Variants in TBC1D8 observed in about 807,000 individuals in gnomAD.
TBC1D8 encodes BUB2-like protein 1.
Under a neutral mutation model 118.8 loss-of-function variants are expected in TBC1D8, and 65 were observed. The observed-to-expected ratio is 0.55, with a 90% CI of 0.45 to 0.67. The LOEUF is 0.67. TBC1D8 is among the 30% of genes least tolerant of loss of function. The pLI is 0.00. For synonymous variants in TBC1D8, 566 were observed against 595.8 expected (o/e 0.95, Z 0.73); for missense variants, 1,376 against 1,471.2 (o/e 0.94, Z 1.06).
intron 1 of TBC1D8, among the ~76,000 whole-genome samples, chr2:101,130,335 C>T (rs1574070883): frequency 6.6e-6 from 1 of 152,212 alleles, no homozygotes; most frequent in South Asian, 2.1e-4. Context: ...CAGGTGCCCG[C>T]GCCCTGAGGC....
At chr2:101,139,748 C>T (rs767493016) in intron 1 of TBC1D8, among the ~76,000 whole-genome samples, 67 of 152,186 alleles carry the variant, frequency 4.4e-4, no homozygotes, top group Non-Finnish European at 8.7e-4. Flanking sequence ...CACCAGCTAC[C>T]ACCCTCCTGC....
intron 1 of TBC1D8, among the ~76,000 whole-genome samples, chr2:101,099,707 A>G (rs1676701482): frequency 6.6e-6 from 1 of 152,230 alleles, no homozygotes; most frequent in Admixed American, 6.5e-5. Context: ...CTGGTTCAAC[A>G]TATGCAAATC....
At chr2:101,069,690 T>C (rs1330768615) in intron 2 of TBC1D8, among the ~76,000 whole-genome samples, 1 of 152,180 alleles carries the variant, frequency 6.6e-6, no homozygotes, top group African/African-American at 2.4e-5. Context: ...ATAAATAATA[T>C]AAAAATGCCC....
intron 5 of TBC1D8, among the ~76,000 whole-genome samples, chr2:101,044,549 A>C (rs1219632086): frequency 6.6e-6 from 1 of 152,176 alleles, no homozygotes; most frequent in African/African-American, 2.4e-5. Context: ...TCCGTAGAGA[A>C]GAACAGACAT....
chr2:101,044,836 C>T (rs1681599997), intron 5 of TBC1D8, among the ~76,000 whole-genome samples: 1 of 152,240 alleles, frequency 6.6e-6, no homozygotes, highest in African/African-American at 2.4e-5. Context: ...GAAAGCTCCA[C>T]ATCCTGGGTT....
At chr2:101,019,042 G>T (rs749025644) in intron 17 of TBC1D8, 2 of 1,610,946 alleles carry the variant, frequency 1.2e-6, no homozygotes, top group Non-Finnish European at 1.7e-6. Flanking sequence ...CCCATAAAGG[G>T]AGCCCTCCTG....
At chr2:101,133,888 C>T (rs13400798) in intron 1 of TBC1D8, among the ~76,000 whole-genome samples, 100,949 of 152,044 alleles carry the variant, frequency 0.66, 33,878 homozygotes, top group East Asian at 0.79. Context: ...GCAGGCACCG[C>T]CTTCACAAGT....
At chr2:101,041,241 T>C (rs1681366809) in intron 5 of TBC1D8, among the ~76,000 whole-genome samples, 2 of 152,178 alleles carry the variant, frequency 1.3e-5, no homozygotes, top group Admixed American at 6.5e-5. Flanking sequence ...CGAATGTTCT[T>C]AGCAGCATCA....
intron 3 of TBC1D8, among the ~76,000 whole-genome samples, chr2:101,056,492 G>A (rs959340571): frequency 4.6e-5 from 7 of 152,050 alleles, no homozygotes; most frequent in Admixed American, 2.0e-4. Flanking sequence ...CACCGCGCCC[G>A]GCCTAGAATT....
chr2:101,010,883 A>G (rs1389416576), intron 19 of TBC1D8, 46 bp downstream of exon 19: 1 of 733,546 alleles, frequency 1.4e-6, no homozygotes, highest in African/African-American at 2.2e-5. Context: ...CTCCATCTCA[A>G]AAAAAAAAAA....
intron 2 of TBC1D8, among the ~76,000 whole-genome samples, chr2:101,085,999 G>A (rs1185532059): frequency 6.6e-6 from 1 of 152,054 alleles, no homozygotes; most frequent in Non-Finnish European, 1.5e-5. Context: ...AAAATTAGCT[G>A]GGCGTGGTGG....
rs144381083 is a variant in TBC1D8 at position 101,028,842 on chromosome 2, A to T, written c.2223-410T>A. 5.9e-5 allele frequency among the ~76,000 whole-genome samples: 9 copies of T among 152,314 alleles called. No homozygotes were observed. The East Asian group carries it at 1.7e-3, about 29-fold the overall frequency. ...CTAGCCTTATGCAGAAAATGTCTGC[A>T]ACCTCTAGCTGGCTGCCTGATGCCC... is the stretch of plus-strand genomic sequence containing the variant. On this transcript the variant is annotated intron_variant, in intron 12 of 19. Transcript: ENST00000409318.
At chr2:101,111,592 C>T (rs1386137411) in intron 1 of TBC1D8, among the ~76,000 whole-genome samples, 3 of 152,194 alleles carry the variant, frequency 2.0e-5, no homozygotes, top group African/African-American at 7.2e-5. Flanking sequence ...TGATGACATC[C>T]ACACAATGGT....
intron 19 of TBC1D8, among the ~76,000 whole-genome samples, chr2:101,009,383 G>A (rs1558963833): frequency 6.7e-6 from 1 of 149,282 alleles, no homozygotes; most frequent in Non-Finnish European, 1.5e-5. Context: ...TCTAGCCTGG[G>A]CGACAGAGTG....
chr2:101,038,367 C>T, intron 7 of TBC1D8, 94 bp downstream of exon 7: 6 of 1,379,614 alleles, frequency 4.3e-6, no homozygotes, highest in Non-Finnish European at 6.0e-6. Context: ...GCATTCTTCT[C>T]ATCCCCACAT....
chr2:101,035,779 C>T (rs1045950192), intron 9 of TBC1D8, among the ~76,000 whole-genome samples: 3 of 152,208 alleles, frequency 2.0e-5, no homozygotes, highest in Admixed American at 1.3e-4. Context: ...GTGGCCGTCA[C>T]TGTGCCCAGA....
At chr2:101,027,630 T>A (rs930131043) in intron 14 of TBC1D8, among the ~76,000 whole-genome samples, 179 bp from the exon 15 acceptor site, 1 of 152,326 alleles carries the variant, frequency 6.6e-6, no homozygotes, top group East Asian at 1.9e-4. Flanking sequence ...AGGTGTTTCA[T>A]CCTTAGCCTC....
chr2:101,108,791 A>G (rs963229613), intron 1 of TBC1D8, among the ~76,000 whole-genome samples: 8 of 140,700 alleles, frequency 5.7e-5, no homozygotes, highest in African/African-American at 2.1e-4. Context: ...CCTTACTTCC[A>G]TCTACTACCT....
chr2:101,131,886 A>G (rs764239521), intron 1 of TBC1D8, among the ~76,000 whole-genome samples: 3 of 152,208 alleles, frequency 2.0e-5, no homozygotes, highest in African/African-American at 7.2e-5. Flanking sequence ...TTAGTTTCAG[A>G]CTTACAATAA....
Sources: allele counts gnomAD v4.1 joint callset (sites outside exome capture counted in the v4.1 genomes callset), GRCh38; gene constraint gnomAD v4.1.1; transcripts MANE v1.5; gene names NCBI Gene and HGNC (gene_info 2026-07-23, HGNC 2026-07-21).